The following PTPRO variants were observed in gnomAD, a reference collection of about 807,000 sequenced individuals.
PTPRO encodes protein tyrosine phosphatase receptor type O, also known as receptor-type tyrosine-protein phosphatase O.
PTPRO carries 62 observed loss-of-function variants against 145.2 expected under a neutral mutation model. The observed-to-expected ratio is 0.43, with a 90% confidence interval of 0.35 to 0.53. PTPRO has a LOEUF of 0.53. Ranked by LOEUF, PTPRO falls within the 20% of genes least tolerant of loss-of-function variation. The probability of loss-of-function intolerance (pLI) is 0.01; values close to 1 mark genes in which losing one functional copy is unlikely to be tolerated. For missense variants in PTPRO, 1,345 were observed against 1,482.7 expected (o/e 0.91, Z 1.53); for synonymous variants, 565 against 514.7 (o/e 1.10, Z -1.32).
intron 2 of PTPRO, among the ~76,000 whole-genome samples, chr12:15,486,693 C>T (rs1224877543): frequency 6.6e-6 from 1 of 151,924 alleles, no homozygotes; most frequent in Non-Finnish European, 1.5e-5. Flanking sequence ...CATATTTACA[C>T]ATTTTTTACT....
chr12:15,520,833 A>G lies in PTPRO; in HGVS notation c.1891+521A>G, dbSNP rs143408494. Among the ~76,000 whole-genome samples the G allele has an allele frequency of 6.3e-3, 953 of 152,276 alleles. 12 individuals carry two copies. Among genetic ancestry groups the G allele is most frequent in the African/African-American group, 0.022 (913 of 41,534 alleles). ...TAACCTTGAGCACGTTAACTTTTCT[A>G]AATATGTTTTTTTTAATGTGGAAAA... On this transcript the variant is annotated intron_variant, in intron 10 of 26. Transcript: ENST00000281171.
intron 1 of PTPRO, among the ~76,000 whole-genome samples, chr12:15,473,473 G>A (rs934479984): frequency 6.6e-5 from 10 of 152,174 alleles, no homozygotes; most frequent in Middle Eastern, 3.4e-3. Context: ...TTATAAAACC[G>A]CTATAATTTA....
intron 1 of PTPRO, among the ~76,000 whole-genome samples, chr12:15,345,643 T>C (rs1015087447): frequency 6.6e-6 from 1 of 152,010 alleles, no homozygotes; most frequent in African/African-American, 2.4e-5. Context: ...AAATACCTAA[T>C]GTTGATGATT....
chr12:15,556,989 C>T (rs1291033867), intron 15 of PTPRO, among the ~76,000 whole-genome samples: 1 of 150,942 alleles, frequency 6.6e-6, no homozygotes, highest in African/African-American at 2.4e-5. Context: ...GCATTGTATG[C>T]CAAAAGGGAA....
chr12:15,368,581 A>C (rs1044496005), intron 1 of PTPRO, among the ~76,000 whole-genome samples: 2 of 152,214 alleles, frequency 1.3e-5, no homozygotes, highest in Non-Finnish European at 2.9e-5. Flanking sequence ...AACTCAAAAA[A>C]TGGAGTTGAA....
intron 2 of PTPRO, among the ~76,000 whole-genome samples, chr12:15,494,551 G>A (rs542285106): frequency 1.3e-5 from 2 of 152,300 alleles, no homozygotes; most frequent in East Asian, 1.9e-4. Context: ...ATACTCCTCA[G>A]TGATGCTTAG....
intron 12 of PTPRO, among the ~76,000 whole-genome samples, chr12:15,540,470 A>C (rs1943158834): frequency 6.6e-6 from 1 of 152,232 alleles, no homozygotes; most frequent in African/African-American, 2.4e-5. Flanking sequence ...CCTTATTACC[A>C]ATGTTGCACA....
intron 5 of PTPRO, among the ~76,000 whole-genome samples, chr12:15,503,342 ATAAT>A (rs1197644132): frequency 6.6e-6 from 1 of 152,204 alleles, no homozygotes; most frequent in East Asian, 1.9e-4. Context: ...GCAATGTGAA[ATAAT>A]TCTTTCTTTA....
chr12:15,464,156 G>A (rs1457159022), intron 1 of PTPRO, among the ~76,000 whole-genome samples: 1 of 152,168 alleles, frequency 6.6e-6, no homozygotes, highest in African/African-American at 2.4e-5. Context: ...CACAGCAGAA[G>A]AGAGAAGGGG....
intron 1 of PTPRO, among the ~76,000 whole-genome samples, chr12:15,350,995 C>T (rs1937784048): frequency 6.6e-6 from 1 of 152,030 alleles, no homozygotes; most frequent in Non-Finnish European, 1.5e-5. Flanking sequence ...CCCTCTTTAT[C>T]TTGGCCTTGA....
At chr12:15,478,376 T>C (rs1444324248) in intron 1 of PTPRO, among the ~76,000 whole-genome samples, 1 of 152,222 alleles carries the variant, frequency 6.6e-6, no homozygotes, top group Non-Finnish European at 1.5e-5. Context: ...GCTTATGAAA[T>C]GCTGTGGTTG....
At chr12:15,364,156 A>G (rs1938290420) in intron 1 of PTPRO, among the ~76,000 whole-genome samples, 1 of 152,194 alleles carries the variant, frequency 6.6e-6, no homozygotes, top group Non-Finnish European at 1.5e-5. Context: ...GATGTATAAA[A>G]TATTTTGAGG....
intron 16 of PTPRO, among the ~76,000 whole-genome samples, 167 bp downstream of exon 16, chr12:15,557,690 T>C (rs1212164946): frequency 6.6e-6 from 1 of 152,156 alleles, no homozygotes; most frequent in Non-Finnish European, 1.5e-5. Context: ...ATGGTTTATA[T>C]AAGCTCAGTG....
chr12:15,466,734 C>T (rs1941426307), intron 1 of PTPRO, among the ~76,000 whole-genome samples: 1 of 152,154 alleles, frequency 6.6e-6, no homozygotes, highest in African/African-American at 2.4e-5. Flanking sequence ...TGTCTGTATA[C>T]GATGCAACCA....
intron 25 of PTPRO, 39 bp from the exon 26 acceptor site, chr12:15,594,898 C>A (rs753410765): frequency 7.2e-7 from 1 of 1,395,578 alleles, no homozygotes; most frequent in Non-Finnish European, 1.0e-6. Flanking sequence ...TATCTTTGCA[C>A]ATGTCTGCTC....
chr12:15,440,104 C>T (rs1940719389), intron 1 of PTPRO: 3 of 632,440 alleles, frequency 4.7e-6, no homozygotes, highest in Non-Finnish European at 5.7e-6. Flanking sequence ...TGCTGGTGCA[C>T]CTCATCCCTG....
At chr12:15,382,506 G>C (rs919715809) in intron 1 of PTPRO, among the ~76,000 whole-genome samples, 4 of 152,198 alleles carry the variant, frequency 2.6e-5, no homozygotes, top group Non-Finnish European at 4.4e-5. Flanking sequence ...CAGAATTTCT[G>C]TCAGAATTGT....
intron 2 of PTPRO, among the ~76,000 whole-genome samples, chr12:15,486,753 T>C (rs1941896284): frequency 6.6e-6 from 1 of 151,902 alleles, no homozygotes; most frequent in Non-Finnish European, 1.5e-5. Flanking sequence ...CTAATTTTAA[T>C]CGCTCAATAG....
chr12:15,380,933 A>T (rs1938842173), intron 1 of PTPRO, among the ~76,000 whole-genome samples: 1 of 152,184 alleles, frequency 6.6e-6, no homozygotes, highest in Non-Finnish European at 1.5e-5. Flanking sequence ...AGAAGGAGAC[A>T]TACTATATAG....
Sources: allele counts gnomAD v4.1 joint callset (sites outside exome capture counted in the v4.1 genomes callset), GRCh38; gene constraint gnomAD v4.1.1; transcripts MANE v1.5; gene names NCBI Gene and HGNC (gene_info 2026-07-23, HGNC 2026-07-21).